Variants in C1QTNF3 observed in about 807,000 individuals in gnomAD.
C1QTNF3 encodes the protein C1q and TNF related 3, also known as complement C1q tumor necrosis factor-related protein 3.
A neutral mutation model predicts 32.6 loss-of-function variants in C1QTNF3; 26 were observed. The ratio of observed to expected loss-of-function variants is 0.80; its 90% CI spans 0.58 to 1.11. The LOEUF is 1.11. C1QTNF3 is among the 50% of genes least tolerant of loss of function. The pLI is 0.00. For synonymous variants in C1QTNF3, 155 were observed against 146.0 expected, an observed-to-expected ratio of 1.06 and a Z score of -0.44; for missense variants, 362 against 398.2, an observed-to-expected ratio of 0.91 and a Z score of 0.77.
Position 34,027,995 on chromosome 5 carries a change from C to G in C1QTNF3, c.700+759G>C, listed in dbSNP as rs370850865. ...AAACAAGCTCTTTTTTTTTTTGAGA[C>G]GGAGTCTCGCTCTGTCGCCCAGGCT... On this transcript the variant is annotated intron_variant, in intron 4 of 5. Coordinates refer to ENST00000382065, the MANE Select transcript of C1QTNF3 (RefSeq NM_181435.6). 2.0e-5 allele frequency among the ~76,000 whole-genome samples: 3 copies of G among 150,024 alleles called. No individual in the cohort carries two copies. The South Asian group carries it at 6.3e-4, about 31-fold the overall frequency.
chr5:34,110,977 T>A, the C1QTNF3 span, among the ~76,000 whole-genome samples: 5 of 152,308 alleles, frequency 3.3e-5, no homozygotes, highest in Admixed American at 2.0e-4. Context: ...GCTATTTTCT[T>A]GTGCTGGAAA....
chr5:34,085,166 G>GTT, the C1QTNF3 span, among the ~76,000 whole-genome samples: 3 of 140,004 alleles, frequency 2.1e-5, no homozygotes, highest in Admixed American at 7.1e-5. Context: ...AATTTTTTGT[G>GTT]TTTTTTTTTT....
At chr5:34,122,872 T>C in the C1QTNF3 span, among the ~76,000 whole-genome samples, 1 of 149,796 alleles carries the variant, frequency 6.7e-6, no homozygotes, top group Non-Finnish European at 1.5e-5. Flanking sequence ...TTAGAGATTG[T>C]CTATGCTGCC....
At position 34,027,878 on chromosome 5, in the gene C1QTNF3, G is replaced by T. The variant is rs562859607; in HGVS notation, c.700+876C>A. Among the ~76,000 whole-genome samples, 503 of 147,732 alleles carry T rather than the reference G, an allele frequency of 3.4e-3. 6 individuals are homozygous for T. Among genetic ancestry groups the T allele is most frequent in the African/African-American group, 0.012 (490 of 40,620 alleles). On this transcript the variant is annotated intron_variant, in intron 4 of 5. Transcript: ENST00000382065. ...AAAAGATTTCTAAAATATATTGTTA[G>T]TTTTTTTTTTTAAAGCAAGACACAA...
At chr5:34,075,132 G>A in the C1QTNF3 span, among the ~76,000 whole-genome samples, 1 of 151,704 alleles carries the variant, frequency 6.6e-6, no homozygotes, top group African/African-American at 2.4e-5. Context: ...TTCCATAACT[G>A]TGTCATTATA....
the C1QTNF3 span, among the ~76,000 whole-genome samples, chr5:34,184,316 G>A: frequency 6.6e-6 from 1 of 152,398 alleles, no homozygotes; most frequent in African/African-American, 2.4e-5. Context: ...ACACACATGC[G>A]GCCAACAAGC....
the C1QTNF3 span, among the ~76,000 whole-genome samples, chr5:34,152,742 C>T: frequency 1.1e-4 from 1 of 8,880 alleles, no homozygotes; most frequent in Non-Finnish European, 1.9e-4. Context: ...AACCTAAAAC[C>T]ATAAAAACCC....
At chr5:34,064,521 A>G in the C1QTNF3 span, among the ~76,000 whole-genome samples, 4 of 152,150 alleles carry the variant, frequency 2.6e-5, no homozygotes, top group African/African-American at 7.2e-5. Context: ...GTTCAGCTCA[A>G]TTAGGATGAC....
the C1QTNF3 span, among the ~76,000 whole-genome samples, chr5:34,173,023 A>G: frequency 7.2e-4 from 110 of 152,310 alleles, no homozygotes; most frequent in Non-Finnish European, 5.4e-4. Context: ...CTTTTAATCT[A>G]GATGCTCAGA....
At chr5:34,197,928 T>A in the C1QTNF3 span, among the ~76,000 whole-genome samples, 1 of 151,602 alleles carries the variant, frequency 6.6e-6, no homozygotes, top group Admixed American at 6.6e-5. Flanking sequence ...CTTTTTGGGG[T>A]CTCTTTTATA....
the C1QTNF3 span, among the ~76,000 whole-genome samples, chr5:34,220,289 A>C: frequency 6.6e-6 from 1 of 152,076 alleles, no homozygotes; most frequent in Non-Finnish European, 1.5e-5. Context: ...AAATAATTTC[A>C]GAAGGAGAGC....
At chr5:34,148,214 G>C in the C1QTNF3 span, among the ~76,000 whole-genome samples, 2 of 147,456 alleles carry the variant, frequency 1.4e-5, no homozygotes, top group African/African-American at 5.0e-5. Flanking sequence ...TACGCCCACG[G>C]AATCTCGCTG....
the C1QTNF3 span, among the ~76,000 whole-genome samples, chr5:34,212,476 A>C: frequency 2.4e-4 from 36 of 152,080 alleles, no homozygotes; most frequent in South Asian, 6.7e-3. Context: ...CAACCTACAG[A>C]ATGGGAGAAA....
the C1QTNF3 span, among the ~76,000 whole-genome samples, chr5:34,216,572 T>C: frequency 6.6e-6 from 1 of 152,182 alleles, no homozygotes; most frequent in African/African-American, 2.4e-5. Flanking sequence ...AGCCACATGG[T>C]ATCCATGTAC....
chr5:34,033,191 G>T, intron 3 of C1QTNF3, 113 bp downstream of exon 3: 1 of 1,182,124 alleles, frequency 8.5e-7, no homozygotes, highest in Non-Finnish European at 1.2e-6. Flanking sequence ...CTGAGACTCA[G>T]ATTTACTCAG....
the C1QTNF3 span, among the ~76,000 whole-genome samples, chr5:34,213,822 TGTGTGTG>T: frequency 5.3e-4 from 10 of 19,026 alleles, no homozygotes; most frequent in East Asian, 0.013. Flanking sequence ...TTTTTTTTTT[TGTGTGTG>T]TGATGGAGTT....
chr5:34,029,197 G>A (rs991909480), intron 3 of C1QTNF3, among the ~76,000 whole-genome samples: 7 of 151,992 alleles, frequency 4.6e-5, no homozygotes, highest in African/African-American at 7.2e-5. Flanking sequence ...ACTTATAGCC[G>A]AGAAATGCAC....
At chr5:34,204,002 T>C in the C1QTNF3 span, among the ~76,000 whole-genome samples, 4 of 151,824 alleles carry the variant, frequency 2.6e-5, no homozygotes, top group African/African-American at 9.7e-5. Context: ...CATCCAACAC[T>C]AGACCACCAA....
chr5:34,173,985 T>G, the C1QTNF3 span, among the ~76,000 whole-genome samples: 1 of 152,252 alleles, frequency 6.6e-6, no homozygotes, highest in African/African-American at 2.4e-5. Context: ...TAGTTGATCA[T>G]GGAGTCTCTA....
Sources: gnomAD v4.1 joint callset for allele counts (sites outside exome capture counted in the v4.1 genomes callset) on GRCh38, gnomAD v4.1.1 for gene constraint, MANE v1.5 for transcripts, NCBI Gene and HGNC (gene_info 2026-07-23, HGNC 2026-07-21) for gene names.